The following MVD variants were observed in gnomAD, a reference collection of about 807,000 sequenced individuals.
The protein encoded by MVD is diphosphomevalonate decarboxylase.
Under a neutral mutation model 42.4 loss-of-function variants are expected in MVD, and 52 were observed. That is an observed-to-expected ratio of 1.23 (90% confidence interval 0.98 to 1.55). The LOEUF (loss-of-function observed/expected upper bound fraction) is 1.55, where lower values mean the gene tolerates loss of function less well. Ranked by LOEUF, MVD falls within the 40% of genes most tolerant of loss-of-function variation. MVD has a pLI of 0.00. For missense variants in MVD, 663 were observed against 572.1 expected (o/e 1.16, Z -1.62); for synonymous variants, 287 against 243.2 (o/e 1.18, Z -1.68).
Position 88,653,327 on chromosome 16 carries a change from A to G in MVD, c.1095T>C (p.Gly365=). ...QAALAMEPTP[G]GVKYIIVTQV... ...GAGTGACAATGATGTATTTGACCCC[A>G]CCGGGGGTCGGCTCCATGGCCAGCG... Residue 365 remains glycine (G), a synonymous_variant, in exon 9 of 10, where the codon GGT becomes GGC. Coordinates refer to ENST00000301012, the MANE Select transcript of MVD (RefSeq NM_002461.3). The G allele has an allele frequency of 2.5e-6, 4 of 1,600,886 alleles. No homozygotes were observed. The highest frequency in any genetic ancestry group is 3.4e-6 in the Non-Finnish European group (4 of 1,176,540).
At chr16:88,658,782 C>G in intron 1 of MVD, 62 bp from the exon 2 acceptor site, 2 of 1,206,204 alleles carry the variant, frequency 1.7e-6, no homozygotes, top group Non-Finnish European at 2.2e-6. Flanking sequence ...CCAGTGTTCC[C>G]CACAGGTGCC....
intron 1 of MVD, among the ~76,000 whole-genome samples, chr16:88,661,510 C>T (rs1329926811): frequency 2.6e-5 from 4 of 152,036 alleles, no homozygotes; most frequent in Non-Finnish European, 5.9e-5. Flanking sequence ...AGGCTTGAGC[C>T]AGCGTGCCCA....
rs1907822036 is a variant in MVD, at chr16:88,655,144, G to A, written c.897+55C>T. On this transcript the variant is annotated intron_variant, in intron 7 of 9. Coordinates refer to ENST00000301012, the MANE Select transcript of MVD (RefSeq NM_002461.3). Reference sequence around the variant, plus strand: ...CGGGGCCGTCTCCACGGCAGCACAAGCCTAGACACGCGCTACAGCGCGAGC... The same window carrying A: ...CGGGGCCGTCTCCACGGCAGCACAAACCTAGACACGCGCTACAGCGCGAGC... 4 of 1,534,494 alleles carry A rather than the reference G, an allele frequency of 2.6e-6. No homozygotes were observed. In the Admixed American group the frequency reaches 5.9e-5, roughly 23 times the overall value.
chr16:88,653,510 C>T (rs1340101398), intron 8 of MVD, 102 bp from the exon 9 acceptor site: 7 of 990,884 alleles, frequency 7.1e-6, no homozygotes, highest in African/African-American at 5.1e-5. Flanking sequence ...CATTCCTGGC[C>T]GTCAGGGCTC....
In MVD at chr16:88,655,414, G is replaced by A. The variant is rs776684503; in HGVS notation, c.682C>T (p.Arg228Trp). The A allele has an allele frequency of 2.0e-5, 31 of 1,567,636 alleles. No individual in the cohort carries two copies. The highest frequency in any genetic ancestry group is 2.2e-5 in the Non-Finnish European group (26 of 1,160,890). The change falls in exon 7 of 10, where the codon CGG becomes TGG. Residue 228 changes from arginine to tryptophan, a missense_variant. Arg to Trp is a moderately radical substitution (Grantham distance 101, BLOSUM62 -3). Transcript: ENST00000301012. ...SVETSPLLRFRAESVVPARMA... is the reference protein window; with the variant it reads ...SVETSPLLRFWAESVVPARMA... ...CGCGCGGGCACCACGGACTCGGCCC[G>A]GAACTGCAAGGCACAGGGTGTTTCC...
At chr16:88,657,822 G>A in intron 3 of MVD, 93 bp downstream of exon 3, 2 of 1,399,366 alleles carry the variant, frequency 1.4e-6, no homozygotes, top group Non-Finnish European at 2.0e-6. Flanking sequence ...CCCGCCTGCT[G>A]CCTCAGGAGG....
Position 88,654,681 on chromosome 16 carries a change from T to G in MVD, c.1013+11A>C. The G allele has an allele frequency of 6.3e-7, 1 of 1,587,976 alleles. No homozygotes were observed. Among genetic ancestry groups the G allele is most frequent in the Non-Finnish European group, 8.5e-7 (1 of 1,171,042 alleles). ...CTCCCAAAAAGGAGGAGGGGCGGGG[T>G]CCACACTCACGTGTCTCCATTCGAG... On this transcript the variant is annotated intron_variant, in intron 8 of 9. Coordinates refer to ENST00000301012, the MANE Select transcript of MVD (RefSeq NM_002461.3).
chr16:88,656,902 A>C, intron 4 of MVD: 1 of 297,718 alleles, frequency 3.4e-6, no homozygotes. Flanking sequence ...CACCGGGGGG[A>C]CAGGCTCTGA....
At chr16:88,659,434 C>G (rs574667089) in intron 1 of MVD, 2 of 152,890 alleles carry the variant, frequency 1.3e-5, no homozygotes, top group South Asian at 4.1e-4. Flanking sequence ...GGGCGAACCT[C>G]TGCTTTCAGG....
At chr16:88,653,136 T>C (rs189471270) in intron 9 of MVD, among the ~76,000 whole-genome samples, 164 bp downstream of exon 9, 15 of 152,188 alleles carry the variant, frequency 9.9e-5, no homozygotes, top group African/African-American at 3.1e-4. Flanking sequence ...TGGCCTGTAA[T>C]GTCCACTTTG....
chr16:88,655,014 G>A (rs146694489), intron 7 of MVD, 185 bp downstream of exon 7: 16 of 908,706 alleles, frequency 1.8e-5, no homozygotes, highest in East Asian at 5.3e-5. Context: ...GCCGTGACCC[G>A]GGCAAGTCAA....
intron 8 of MVD, 52 bp downstream of exon 8, chr16:88,654,640 G>A: frequency 1.3e-6 from 2 of 1,546,810 alleles, no homozygotes; most frequent in Non-Finnish European, 1.7e-6. Context: ...CTTCCGACCA[G>A]AGTTCCTGGC....
chr16:88,659,998 A>AGT (rs1175889543), intron 1 of MVD, among the ~76,000 whole-genome samples: 1 of 151,256 alleles, frequency 6.6e-6, no homozygotes, highest in African/African-American at 2.4e-5. Context: ...AAAAGAAAAG[A>AGT]AAAAAAGAAA....
chr16:88,653,259 G>T, intron 9 of MVD, 41 bp downstream of exon 9: 1 of 1,538,384 alleles, frequency 6.5e-7, no homozygotes, highest in Non-Finnish European at 8.8e-7. Flanking sequence ...CCCCTGGCAG[G>T]AAAGGAAACC....
At chr16:88,656,661 G>A (rs1417767231) in intron 4 of MVD, 3 of 377,442 alleles carry the variant, frequency 7.9e-6, no homozygotes, top group Non-Finnish European at 1.5e-5. Context: ...GGCTGTGTGG[G>A]GCAGGGACCG....
chr16:88,655,051 G>T, intron 7 of MVD, 148 bp downstream of exon 7: 1 of 1,046,118 alleles, frequency 9.6e-7, no homozygotes, highest in Non-Finnish European at 1.4e-6. Context: ...GAAGAACCCA[G>T]ATGGTCAGTG....
At chr16:88,652,714 T>C (rs1439063356) in intron 9 of MVD, 109 bp from the exon 10 acceptor site, 6 of 1,069,558 alleles carry the variant, frequency 5.6e-6, no homozygotes, top group Middle Eastern at 2.1e-4. Context: ...CCGCCCTTCC[T>C]GTGGGTCCTG....
At chr16:88,652,981 T>C (rs1907672276) in intron 9 of MVD, among the ~76,000 whole-genome samples, 1 of 151,464 alleles carries the variant, frequency 6.6e-6, no homozygotes, top group Non-Finnish European at 1.5e-5. Context: ...GTGGTTGGGG[T>C]GGGGGGGTCC....
rs369916468 is a variant in MVD, at chr16:88,656,279, G to T, written c.429C>A (p.Gly143=). The T allele has an allele frequency of 6.3e-7, 1 of 1,599,842 alleles. No homozygotes were observed. Among genetic ancestry groups the T allele is most frequent in the South Asian group, 1.1e-5 (1 of 91,080 alleles). The stretch of plus-strand genomic sequence containing the variant: ...CCACTTCTGAGAGGTCACTCTCCAC[G>T]CCGTAGACACGGGCCAGGGTGTAGG... The part of the protein sequence containing the change: ...CLAYTLARVY[G]VESDLSEVAR... Residue 143 remains glycine, a synonymous_variant, in exon 5 of 10, where the codon GGC becomes GGA. Transcript: ENST00000301012.
Sources: gnomAD v4.1 joint callset for allele counts (sites outside exome capture counted in the v4.1 genomes callset) on GRCh38, gnomAD v4.1.1 for gene constraint, MANE v1.5 for transcripts, NCBI Gene and HGNC (gene_info 2026-07-23, HGNC 2026-07-21) for gene names.